The following ACTN1 variants were observed in gnomAD, a reference collection of about 807,000 sequenced individuals.
The protein encoded by ACTN1 is alpha-actinin-1.
In ACTN1, 30 loss-of-function variants were observed where a neutral mutation model predicts 119.6. The observed-to-expected ratio is 0.25, with a 90% CI of 0.19 to 0.34. The LOEUF is 0.34. Among genes scored for constraint, ACTN1 ranks in the 10% least tolerant of loss-of-function variants. ACTN1 has a pLI of 1.00. For missense variants in ACTN1, 764 were observed against 1,223.4 expected (o/e 0.62, Z 5.60); for synonymous variants, 429 against 472.6 (o/e 0.91, Z 1.20).
intron 1 of ACTN1, among the ~76,000 whole-genome samples, chr14:68,961,682 T>A (rs1414067540): frequency 6.6e-6 from 1 of 152,150 alleles, no homozygotes; most frequent in African/African-American, 2.4e-5. Context: ...TCACAGCTGT[T>A]TGAGATTCTT....
In ACTN1 at chr14:68,880,357, G is replaced by T. The variant is rs1203196320; in HGVS notation, c.2134-249C>A. On this transcript the variant is annotated intron_variant, in intron 17 of 21. Transcript: ENST00000394419. This position sits in a 1 kb window ranked among gnomAD's most constrained non-coding sequence, Gnocchi z 4.6. ...GCAAAGAAACCAGGACTTGCCAATG[G>T]GGGTCAGGTCAGGAAGGAGGGCAGA... Among the ~76,000 whole-genome samples the T allele has an allele frequency of 6.6e-6, 1 of 152,166 alleles. No homozygotes were observed. Among genetic ancestry groups the T allele is most frequent in the African/African-American group, 2.4e-5 (1 of 41,432 alleles).
chr14:68,951,261 A>G (rs1161778934), intron 1 of ACTN1, among the ~76,000 whole-genome samples: 3 of 152,084 alleles, frequency 2.0e-5, no homozygotes. Flanking sequence ...TTCCCTTTCT[A>G]GGAAGACACA....
At chr14:68,976,571 C>T (rs1375387040) in intron 1 of ACTN1, among the ~76,000 whole-genome samples, 1 of 152,346 alleles carries the variant, frequency 6.6e-6, no homozygotes, top group African/African-American at 2.4e-5. Context: ...GCTCCTTCTG[C>T]CATGGCCCCT....
rs1178005677 is a variant in ACTN1, at chr14:68,979,165, G to A, written c.-109C>T. 1 of 547,526 alleles carries A rather than the reference G, an allele frequency of 1.8e-6. No individual in the cohort carries two copies. The highest frequency in any genetic ancestry group is 2.9e-6 in the Non-Finnish European group (1 of 349,712). The allele number at this position is 547,526 out of a possible 1,614,324, so 33.9% of individuals were successfully genotyped here. On this transcript the variant is annotated 5_prime_UTR_variant, in exon 1 of 22. Transcript: ENST00000394419. ...TAGGGCTGGGCTGGGCTGGGCTGGC[G>A]GGGCCGGGCTCGCTCCCCTGCGCCC...
intron 11 of ACTN1, chr14:68,887,971 G>A (rs1170422445): frequency 1.4e-5 from 11 of 790,552 alleles, no homozygotes; most frequent in East Asian, 2.5e-5. Context: ...TCACTGCTGC[G>A]TTTTTCGGCT....
At chr14:68,940,549 T>C (rs1186290877) in intron 1 of ACTN1, among the ~76,000 whole-genome samples, 3 of 151,760 alleles carry the variant, frequency 2.0e-5, no homozygotes, top group Non-Finnish European at 2.9e-5. Flanking sequence ...GGCTCAAAAA[T>C]TAAATAAGGC....
Position 68,911,019 on chromosome 14 carries a change from G to A in ACTN1, c.428-977C>T, listed in dbSNP as rs76425276. ...ATGTCCTTACCAGCAGCGTGAAAAC[G>A]GACTAATACACCCTGTGTTTGTGCC... On this transcript the variant is annotated intron_variant, in intron 4 of 21. Transcript: ENST00000394419. Among the ~76,000 whole-genome samples the A allele has an allele frequency of 8.3e-3, 1,256 of 152,178 alleles. 6 individuals are homozygous for A. Among genetic ancestry groups the A allele is most frequent in the Non-Finnish European group, 0.015 (1,006 of 68,008 alleles).
Position 68,879,161 on chromosome 14 carries a change from G to T in ACTN1, c.2281-92C>A, listed in dbSNP as rs181459. 3.7e-6 allele frequency: 3 copies of T among 804,718 alleles called. No homozygotes were observed. The highest frequency in any genetic ancestry group is 5.2e-6 in the Non-Finnish European group (3 of 571,516). 49.8% of individuals were successfully genotyped at this position (804,718 alleles called of 1,614,324 possible). A position where few individuals can be genotyped will look rare whatever the true frequency, so the allele number is the denominator to read the frequency against. On this transcript the variant is annotated intron_variant, in intron 18 of 21. Coordinates refer to ENST00000394419, the MANE Select transcript of ACTN1 (RefSeq NM_001130004.2). The surrounding 1 kb of genome is among the most constrained non-coding windows in gnomAD (Gnocchi z 4.9). ...TGCCCCGGGGGAGGGTGGCGTGTGT[G>T]GGGAGACACAGGGACAGGCATGCGG...
At chr14:68,891,377 A>G (rs181483) in intron 10 of ACTN1, among the ~76,000 whole-genome samples, 68,082 of 152,054 alleles carry the variant, frequency 0.45, 16,090 homozygotes, top group East Asian at 0.81. Context: ...AATATAATGT[A>G]AGATTGGGGG....
At chr14:68,883,364 A>C (rs2031730432) in intron 14 of ACTN1, 1 of 327,090 alleles carries the variant, frequency 3.1e-6, no homozygotes, top group Non-Finnish European at 5.7e-6. Context: ...CCACAACATG[A>C]GCTTCCTTAG....
At chr14:68,944,881 G>A (rs2035885246) in intron 1 of ACTN1, among the ~76,000 whole-genome samples, 1 of 147,266 alleles carries the variant, frequency 6.8e-6, no homozygotes, top group Admixed American at 6.6e-5. Flanking sequence ...GGTAGCTGTA[G>A]GTCACCCTAT....
At chr14:68,898,582 TGTG>T (rs1220049740) in intron 8 of ACTN1, among the ~76,000 whole-genome samples, 1 of 152,014 alleles carries the variant, frequency 6.6e-6, no homozygotes, top group Admixed American at 6.5e-5. Context: ...GACAGGAGTG[TGTG>T]AGTCAGCAAG....
intron 1 of ACTN1, chr14:68,936,467 T>G: frequency 3.1e-6 from 1 of 319,118 alleles, no homozygotes; most frequent in Non-Finnish European, 5.9e-6. Context: ...TATGCTTTTG[T>G]TTGAGTTTTG....
chr14:68,912,535 C>A (rs1221294485), intron 3 of ACTN1, among the ~76,000 whole-genome samples: 2 of 152,194 alleles, frequency 1.3e-5, no homozygotes, highest in East Asian at 3.9e-4. Flanking sequence ...GGCCACCACA[C>A]CCGGCTAATT....
Position 68,879,579 on chromosome 14 carries a change from C to T in ACTN1, c.2280+383G>A, listed in dbSNP as rs2031295594. Among the ~76,000 whole-genome samples, 1 of 152,124 alleles carries T rather than the reference C, an allele frequency of 6.6e-6. No homozygotes were observed. Among genetic ancestry groups the T allele is most frequent in the Non-Finnish European group, 1.5e-5 (1 of 67,998 alleles). On this transcript the variant is annotated intron_variant, in intron 18 of 21. Transcript: ENST00000394419. This position sits in a 1 kb window ranked among gnomAD's most constrained non-coding sequence, Gnocchi z 4.9. Reference sequence around the variant, plus strand: ...GACATCCCCAGCAGAGTCCCAGAGGCCACTGGAGGTCGGGGTAGGGGTAGG... The same window carrying T: ...GACATCCCCAGCAGAGTCCCAGAGGTCACTGGAGGTCGGGGTAGGGGTAGG...
At position 68,880,453 on chromosome 14, in the gene ACTN1, GCACACACACATACA is replaced by G. The variant is rs2031397648; in HGVS notation, c.2133+343_2134-346del. Among the ~76,000 whole-genome samples, 1 of 119,526 alleles carries G rather than the reference GCACACACACATACA, an allele frequency of 8.4e-6. No individual in the cohort carries two copies. Among genetic ancestry groups the G allele is most frequent in the Non-Finnish European group, 1.7e-5 (1 of 59,082 alleles). The allele number at this position is 119,526 out of a possible 152,430, so 78.4% of individuals were successfully genotyped here. Reference sequence around the variant, plus strand: ...AACCTCCAACCCCACAGCCACGCGCGCACACACACATACACACACACACACTCTTGCACAGTTAA... The same window carrying G: ...AACCTCCAACCCCACAGCCACGCGCGCACACACACACTCTTGCACAGTTAA... On this transcript the variant is annotated intron_variant, in intron 17 of 21. Coordinates refer to ENST00000394419, the MANE Select transcript of ACTN1 (RefSeq NM_001130004.2). The surrounding 1 kb of genome is among the most constrained non-coding windows in gnomAD (Gnocchi z 4.6).
chr14:68,906,479 G>C (rs1219989983), intron 6 of ACTN1, among the ~76,000 whole-genome samples: 2 of 152,166 alleles, frequency 1.3e-5, no homozygotes, highest in Non-Finnish European at 2.9e-5. Flanking sequence ...TCTAAACAGA[G>C]AAGGTGGGGT....
In ACTN1 at chr14:68,925,847, C is replaced by T. The variant is rs1481831100; in HGVS notation, c.106-175G>A. ...CATCAACCAAGCACTGAGCTACCCA[C>T]AGGGCAGCAGCTGAGGGACCCTACA... is the stretch of plus-strand genomic sequence containing the variant. On this transcript the variant is annotated intron_variant, in intron 1 of 21. Coordinates refer to ENST00000394419, the MANE Select transcript of ACTN1 (RefSeq NM_001130004.2). This position sits in a 1 kb window ranked among gnomAD's most constrained non-coding sequence, Gnocchi z 4.3. 6.6e-6 allele frequency among the ~76,000 whole-genome samples: 1 copy of T among 152,176 alleles called. No individual in the cohort carries two copies. Among genetic ancestry groups the T allele is most frequent in the Non-Finnish European group, 1.5e-5 (1 of 68,030 alleles).
At chr14:68,888,085 C>A (rs573786897) in intron 11 of ACTN1, 11 of 687,984 alleles carry the variant, frequency 1.6e-5, no homozygotes, top group Non-Finnish European at 2.2e-5. Flanking sequence ...CCTTGGGCAT[C>A]CTGGCGGCAG....
Sources: gnomAD v4.1 joint callset for allele counts (sites outside exome capture counted in the v4.1 genomes callset) on GRCh38, gnomAD v4.1.1 for gene constraint, Gnocchi (gnomAD v3.1) non-coding constraint, MANE v1.5 for transcripts, NCBI Gene and HGNC (gene_info 2026-07-23, HGNC 2026-07-21) for gene names.